Variants in PYROXD1 observed in about 807,000 individuals in gnomAD.
The protein encoded by PYROXD1 is tRNA ligase complex-associated NAD(P)H dehydrogenase PYROXD1.
In PYROXD1, 42 loss-of-function variants were observed where a neutral mutation model predicts 62.0. The ratio of observed to expected loss-of-function variants is 0.68; its 90% confidence interval spans 0.53 to 0.88. PYROXD1 has a LOEUF of 0.88. Ranked by LOEUF, PYROXD1 falls within the 40% of genes least tolerant of loss-of-function variation. The pLI is 0.00. For synonymous variants in PYROXD1, 170 were observed against 206.4 expected (o/e 0.82, Z 1.51); for missense variants, 493 against 604.8 (o/e 0.82, Z 1.94).
At chr12:21,455,589 G>A (rs1942581497) in intron 6 of PYROXD1, among the ~76,000 whole-genome samples, 1 of 151,518 alleles carries the variant, frequency 6.6e-6, no homozygotes, top group Non-Finnish European at 1.5e-5. Flanking sequence ...AATGCAGTGA[G>A]TTGAAAAACT....
chr12:21,460,792 G>A lies in PYROXD1; in HGVS notation c.751-233G>A, dbSNP rs565232988. On this transcript the variant is annotated intron_variant, in intron 7 of 11. Coordinates refer to ENST00000240651, the MANE Select transcript of PYROXD1 (RefSeq NM_024854.5). The stretch of plus-strand genomic sequence containing the variant: ...GGCCTAGGCTAAAAAGCATTCCCTC[G>A]ATGCTATCTGCTAATGCAGCTACCA... 4.3e-5 allele frequency: 12 copies of A among 279,388 alleles called. No individual in the cohort carries two copies. In the South Asian group the frequency reaches 4.4e-4, roughly 10 times the overall value. 17.3% of individuals were successfully genotyped at this position (279,388 alleles called of 1,614,324 possible). A position where few individuals can be genotyped will look rare whatever the true frequency, so the allele number is the denominator to read the frequency against.
At chr12:21,451,974 C>A in intron 4 of PYROXD1, 107 bp from the exon 5 acceptor site, 1 of 714,922 alleles carries the variant, frequency 1.4e-6, no homozygotes. Flanking sequence ...TTTTCCTTTA[C>A]AAATTCAATA....
At chr12:21,455,433 A>G (rs1300463067) in intron 6 of PYROXD1, 141 bp downstream of exon 6, 1 of 325,948 alleles carries the variant, frequency 3.1e-6, no homozygotes, top group African/African-American at 2.3e-5. Flanking sequence ...AAGTTTTCAG[A>G]TTTTCTATTT....
chr12:21,444,891 G>A (rs1942357755), intron 2 of PYROXD1, among the ~76,000 whole-genome samples: 1 of 152,186 alleles, frequency 6.6e-6, no homozygotes, highest in African/African-American at 2.4e-5. Flanking sequence ...GGGAAAAGGT[G>A]AAATGATTCA....
intron 5 of PYROXD1, 55 bp from the exon 6 acceptor site, chr12:21,455,076 AG>A: frequency 1.8e-6 from 2 of 1,122,202 alleles, no homozygotes; most frequent in Non-Finnish European, 2.4e-6. Flanking sequence ...GCAAATGCAA[AG>A]ATTTTTTACT....
At chr12:21,465,558 G>A (rs2137288554) in intron 10 of PYROXD1, among the ~76,000 whole-genome samples, 1 of 151,660 alleles carries the variant, frequency 6.6e-6, no homozygotes, top group East Asian at 1.9e-4. Flanking sequence ...TGTAGATTCT[G>A]GATATTAGCC....
At position 21,469,217 on chromosome 12, in the gene PYROXD1, C is replaced by G. The variant is rs767888250; in HGVS notation, c.*463C>G. On this transcript the variant is annotated 3_prime_UTR_variant, in exon 12 of 12. Coordinates refer to ENST00000240651, the MANE Select transcript of PYROXD1 (RefSeq NM_024854.5). The stretch of plus-strand genomic sequence containing the variant: ...TGCTAATATTTATATTGATGACTTA[C>G]TCCTTTTTTGTTGAATTGTACTTCT... 6.3e-6 allele frequency: 1 copy of G among 157,828 alleles called. No individual in the cohort carries two copies. Among genetic ancestry groups the G allele is most frequent in the South Asian group, 1.9e-4 (1 of 5,350 alleles). The allele number at this position is 157,828 out of a possible 1,614,324, so 9.8% of individuals were successfully genotyped here.
intron 7 of PYROXD1, among the ~76,000 whole-genome samples, chr12:21,458,062 C>A (rs1181332170): frequency 6.6e-6 from 1 of 152,182 alleles, no homozygotes; most frequent in Non-Finnish European, 1.5e-5. Flanking sequence ...TCTGCCTGTC[C>A]TTTGAAGCCA....
intron 10 of PYROXD1, 191 bp from the exon 11 acceptor site, chr12:21,467,290 C>A: frequency 2.2e-6 from 1 of 462,992 alleles, no homozygotes; most frequent in Non-Finnish European, 3.9e-6. Flanking sequence ...ATTTTAGAGG[C>A]AGTAATTTAG....
intron 10 of PYROXD1, among the ~76,000 whole-genome samples, chr12:21,465,906 C>G (rs1390467799): frequency 1.3e-5 from 2 of 152,118 alleles, no homozygotes; most frequent in Admixed American, 6.6e-5. Context: ...TTTCCCAGCA[C>G]CATTTATTAA....
At chr12:21,440,535 C>G in intron 2 of PYROXD1, 87 bp downstream of exon 2, 1 of 751,934 alleles carries the variant, frequency 1.3e-6, no homozygotes. Flanking sequence ...GTATTTTTTT[C>G]TTTCTTAAAA....
rs1942222366 is a variant in PYROXD1, at chr12:21,437,938, G to C, written c.84+124G>C. ...TTCCTTTTTTGCTGCGCCCTTTTCC[G>C]CACTTATTGCTCCCAGATTTTAGAA... On this transcript the variant is annotated intron_variant, in intron 1 of 11. Transcript: ENST00000240651. 6 of 820,438 alleles carry C rather than the reference G, an allele frequency of 7.3e-6. No homozygotes were observed. In the Admixed American group the frequency reaches 1.4e-4, roughly 20 times the overall value. 50.8% of individuals were successfully genotyped at this position (820,438 alleles called of 1,614,324 possible).
At position 21,448,147 on chromosome 12, in the gene PYROXD1, C is replaced by T. The variant is rs1942427724; in HGVS notation, c.286-1416C>T. 10 of 676,520 alleles carry T rather than the reference C, an allele frequency of 1.5e-5. No individual in the cohort carries two copies. In the South Asian group the frequency reaches 1.5e-4, roughly 10 times the overall value. 41.9% of individuals were successfully genotyped at this position (676,520 alleles called of 1,614,324 possible). ...TCTCTTTTTACAGTAAATTCATGGC[C>T]ATCAGATGATATCAATTTCACATAC... On this transcript the variant is annotated intron_variant, in intron 3 of 11. Coordinates refer to ENST00000240651, the MANE Select transcript of PYROXD1 (RefSeq NM_024854.5).
intron 3 of PYROXD1, among the ~76,000 whole-genome samples, chr12:21,448,706 C>A (rs1253627094): frequency 1.3e-5 from 2 of 152,066 alleles, no homozygotes; most frequent in South Asian, 2.1e-4. Flanking sequence ...AAACATTAAC[C>A]CCTAAATCAT....
At chr12:21,463,720 A>G (rs1942741349) in intron 10 of PYROXD1, among the ~76,000 whole-genome samples, 1 of 149,776 alleles carries the variant, frequency 6.7e-6, no homozygotes. Context: ...TTCCTGTAGT[A>G]AACACCTTTC....
chr12:21,446,646 C>G (rs778047403), intron 3 of PYROXD1, among the ~76,000 whole-genome samples: 1 of 152,032 alleles, frequency 6.6e-6, no homozygotes, highest in South Asian at 2.1e-4. Context: ...TGTACAGGCT[C>G]ATGCCTATAA....
chr12:21,458,423 C>T (rs1942638284), intron 7 of PYROXD1, among the ~76,000 whole-genome samples: 1 of 152,186 alleles, frequency 6.6e-6, no homozygotes. Flanking sequence ...GACTGTTTCG[C>T]TTTCTCATCA....
At chr12:21,466,264 G>C in intron 10 of PYROXD1, among the ~76,000 whole-genome samples, 1 of 150,056 alleles carries the variant, frequency 6.7e-6, no homozygotes, top group East Asian at 2.0e-4. Context: ...GGGCAGTATG[G>C]CCATTTTCAC....
At chr12:21,446,651 C>T (rs1942395065) in intron 3 of PYROXD1, among the ~76,000 whole-genome samples, 1 of 152,052 alleles carries the variant, frequency 6.6e-6, no homozygotes, top group Admixed American at 6.5e-5. Context: ...AGGCTCATGC[C>T]TATAATCCCC....
Sources: allele counts gnomAD v4.1 joint callset (sites outside exome capture counted in the v4.1 genomes callset), GRCh38; gene constraint gnomAD v4.1.1; transcripts MANE v1.5; gene names NCBI Gene and HGNC (gene_info 2026-07-23, HGNC 2026-07-21).